UGT1A8: variants seen among roughly 807,000 people sequenced by gnomAD.
UGT1A8 encodes the protein UDP-glucuronosyltransferase 1A8.
UGT1A8 carries 39 observed loss-of-function variants against 45.3 expected under a neutral mutation model. That is an observed-to-expected ratio of 0.86 (90% CI 0.67 to 1.12). The LOEUF (loss-of-function observed/expected upper bound fraction) is 1.12, where lower values mean the gene tolerates loss of function less well. Among genes scored for constraint, UGT1A8 ranks in the 50% most tolerant of loss-of-function variants. UGT1A8 has a pLI of 0.00. For missense variants in UGT1A8, 719 were observed against 664.9 expected (o/e 1.08, Z -0.90); for synonymous variants, 275 against 249.2 (o/e 1.10, Z -0.97).
intron 1 of UGT1A8, chr2:233,682,628 G>A: frequency 1.9e-6 from 3 of 1,613,870 alleles, no homozygotes; most frequent in South Asian, 2.2e-5. Flanking sequence ...CTTAGAAATA[G>A]CCTCTGAAAT....
intron 1 of UGT1A8, among the ~76,000 whole-genome samples, chr2:233,675,296 G>A (rs1338282324): frequency 6.6e-6 from 1 of 152,098 alleles, no homozygotes; most frequent in Non-Finnish European, 1.5e-5. Context: ...ACATTCCAGC[G>A]TTCTAATGTG....
At chr2:233,725,697 GTAGT>G (rs2077468291) in intron 1 of UGT1A8, among the ~76,000 whole-genome samples, 1 of 152,126 alleles carries the variant, frequency 6.6e-6, no homozygotes, top group South Asian at 2.1e-4. Flanking sequence ...ATAGTCATAT[GTAGT>G]TAGTGACTAC....
intron 1 of UGT1A8, chr2:233,719,434 T>A: frequency 1.9e-6 from 3 of 1,613,970 alleles, no homozygotes; most frequent in Non-Finnish European, 2.5e-6. Flanking sequence ...TCAGACCACA[T>A]GACATTCCTG....
chr2:233,637,154 T>A (rs918563661), intron 1 of UGT1A8: 1 of 1,613,992 alleles, frequency 6.2e-7, no homozygotes, highest in Admixed American at 1.7e-5. Flanking sequence ...TGGAACCACA[T>A]CGTGCACTTG....
At position 233,691,298 on chromosome 2, in the gene UGT1A8, A is replaced by G. The variant is rs754901795; in HGVS notation, c.855+72736A>G. ...TGACTTTGATCATTGTAAGCTGCCA[A>G]TCCTCTTGGGAGGCTGCTCCCAGCT... On this transcript the variant is annotated intron_variant, in intron 1 of 4. Transcript: ENST00000373450. The G allele has an allele frequency of 4.3e-4, 423 of 985,386 alleles. 1 individual carries two copies. Among genetic ancestry groups the G allele is most frequent in the Non-Finnish European group, 4.9e-4 (407 of 829,986 alleles). 61.0% of individuals were successfully genotyped at this position (985,386 alleles called of 1,614,324 possible).
At position 233,714,698 on chromosome 2, in the gene UGT1A8, T is replaced by G. The variant is rs28899185; in HGVS notation, c.856-52336T>G. On this transcript the variant is annotated intron_variant, in intron 1 of 4. Transcript: ENST00000373450. ...AATATTATCCTTTCAACATGTGAAC[T>G]GTTTAACGTAGCTTTTTTTGTTGTT... 4.8e-3 allele frequency among the ~76,000 whole-genome samples: 731 copies of G among 152,338 alleles called. 10 individuals are homozygous for G. The highest frequency in any genetic ancestry group is 0.017 in the African/African-American group (696 of 41,576).
At chr2:233,712,764 G>T (rs1312823466) in intron 1 of UGT1A8, among the ~76,000 whole-genome samples, 1 of 152,224 alleles carries the variant, frequency 6.6e-6, no homozygotes, top group Non-Finnish European at 1.5e-5. Flanking sequence ...CGAGCGCAAG[G>T]TCAGATGAGT....
At position 233,711,088 on chromosome 2, in the gene UGT1A8, A is replaced by G. The variant is rs145698870; in HGVS notation, c.856-55946A>G. ...CACTTATGCTGATGGCTCCAAGTCTATCTGTGCAGCCCAGACCCCTCCTCA... is the reference window on the plus strand; with the variant it reads ...CACTTATGCTGATGGCTCCAAGTCTGTCTGTGCAGCCCAGACCCCTCCTCA... On this transcript the variant is annotated intron_variant, in intron 1 of 4. Coordinates refer to ENST00000373450, the MANE Select transcript of UGT1A8 (RefSeq NM_019076.5). Among the ~76,000 whole-genome samples, 1,153 of 152,228 alleles carry G rather than the reference A, an allele frequency of 7.6e-3. 11 individuals carry two copies. The highest frequency in any genetic ancestry group is 0.025 in the African/African-American group (1,043 of 41,536).
At chr2:233,641,162 G>T (rs1043782406) in intron 1 of UGT1A8, among the ~76,000 whole-genome samples, 8 of 152,088 alleles carry the variant, frequency 5.3e-5, no homozygotes, top group African/African-American at 1.7e-4. Flanking sequence ...TTCTCTTGCT[G>T]ACTATCTTGC....
rs2602368 is a variant in UGT1A8 at position 233,623,758 on chromosome 2, A to G, written c.855+5196A>G. On this transcript the variant is annotated intron_variant, in intron 1 of 4. Transcript: ENST00000373450. Reference sequence around the variant, plus strand: ...CCCATACGTTCTTGGCCAATTGACAAGATGTCAAATTTTGATAAGGGTGTC... The same window carrying G: ...CCCATACGTTCTTGGCCAATTGACAGGATGTCAAATTTTGATAAGGGTGTC... 4.6e-5 allele frequency among the ~76,000 whole-genome samples: 7 copies of G among 152,140 alleles called. 1 individual carries two copies. The highest frequency in any genetic ancestry group is 1.4e-4 in the African/African-American group (6 of 41,432).
chr2:233,717,430 C>T (rs528668664), intron 1 of UGT1A8, among the ~76,000 whole-genome samples: 2 of 152,364 alleles, frequency 1.3e-5, no homozygotes, highest in African/African-American at 4.8e-5. Flanking sequence ...GGGTGTCCCT[C>T]TGATGGACGC....
chr2:233,706,457 A>G, intron 1 of UGT1A8, among the ~76,000 whole-genome samples: 1 of 152,222 alleles, frequency 6.6e-6, no homozygotes. Context: ...ATGACCATTG[A>G]GGTTTCACCA....
At chr2:233,628,369 AT>A (rs2073130442) in intron 1 of UGT1A8, among the ~76,000 whole-genome samples, 1 of 151,910 alleles carries the variant, frequency 6.6e-6, no homozygotes, top group Non-Finnish European at 1.5e-5. Context: ...CAATATATTT[AT>A]TTTTAAAAAT....
intron 1 of UGT1A8, among the ~76,000 whole-genome samples, chr2:233,726,748 C>G (rs1270676383): frequency 6.6e-6 from 1 of 152,206 alleles, no homozygotes; most frequent in Non-Finnish European, 1.5e-5. Context: ...GGCTGTGATT[C>G]TGCCTACCAC....
intron 1 of UGT1A8, chr2:233,754,616 C>G (rs899223660): frequency 6.8e-6 from 3 of 438,446 alleles, no homozygotes; most frequent in African/African-American, 6.2e-5. Flanking sequence ...CTCCATCTTC[C>G]TCCACTTCCA....
In UGT1A8 at chr2:233,772,986, C is replaced by A; in HGVS notation, c.*427C>A. 3.5e-6 allele frequency: 1 copy of A among 282,682 alleles called. No homozygotes were observed. The highest frequency in any genetic ancestry group is 6.8e-6 in the Non-Finnish European group (1 of 146,824). 17.5% of individuals were successfully genotyped at this position (282,682 alleles called of 1,614,324 possible). A position where few individuals can be genotyped will look rare whatever the true frequency, so the allele number is the denominator to read the frequency against. On this transcript the variant is annotated 3_prime_UTR_variant, in exon 5 of 5. Transcript: ENST00000373450. ...TGATCCTTAACCAATAATGGTCAGTCCTCATCTCTGTCGTGCTTCATAGGT... is the reference window on the plus strand; with the variant it reads ...TGATCCTTAACCAATAATGGTCAGTACTCATCTCTGTCGTGCTTCATAGGT...
chr2:233,675,448 G>A (rs1197196547), intron 1 of UGT1A8, among the ~76,000 whole-genome samples: 1 of 152,146 alleles, frequency 6.6e-6, no homozygotes, highest in Non-Finnish European at 1.5e-5. Context: ...AAAGAATTCA[G>A]GCTTTGTCTA....
In UGT1A8 at chr2:233,768,235, G is replaced by A. The variant is rs374047963; in HGVS notation, c.1091G>A (p.Arg364His). ...QNDLLGHPMT[R>H]AFITHAGSHG... ...TGCATCTCAGGTCACCCGATGACCC[G>A]TGCCTTTATCACCCATGCTGGTTCC... Residue 364 changes from arginine (R) to histidine (H), a missense_variant, in exon 4 of 5, where the codon CGT becomes CAT. Physicochemically the swap from Arg to His is conservative, Grantham distance 29. Transcript: ENST00000373450. 3.8e-5 allele frequency: 62 copies of A among 1,614,018 alleles called. No homozygotes were observed. The highest frequency in any genetic ancestry group is 1.6e-4 in the Middle Eastern group (1 of 6,084).
intron 1 of UGT1A8, among the ~76,000 whole-genome samples, chr2:233,703,995 G>T: frequency 6.6e-6 from 1 of 151,778 alleles, no homozygotes. Context: ...GGTTCAAGCA[G>T]TTCTCCCACC....
Sources: gnomAD v4.1 joint callset for allele counts (sites outside exome capture counted in the v4.1 genomes callset) on GRCh38, gnomAD v4.1.1 for gene constraint, MANE v1.5 for transcripts, NCBI Gene and HGNC (gene_info 2026-07-23, HGNC 2026-07-21) for gene names.